Variants in SP3 observed in about 807,000 individuals in gnomAD.
SP3 encodes the protein transcription factor Sp3.
SP3 carries 10 observed loss-of-function variants against 70.3 expected under a neutral mutation model. That is an observed-to-expected ratio of 0.14 (90% CI 0.09 to 0.24). The LOEUF is 0.24. SP3 is among the 10% of genes least tolerant of loss of function. The pLI is 1.00. For synonymous variants in SP3, 402 were observed against 333.5 expected, an observed-to-expected ratio of 1.21 and a Z score of -2.24; for missense variants, 825 against 914.6, an observed-to-expected ratio of 0.90 and a Z score of 1.26.
intron 5 of SP3, chr2:173,914,658 AAGG>A (rs1689578905): frequency 6.6e-6 from 1 of 152,156 alleles, no homozygotes; most frequent in African/African-American, 2.4e-5. Context: ...AAGTAAAGAC[AAGG>A]AGGAGTCATG....
chr2:173,948,578 T>C (rs1486188386), intron 4 of SP3, among the ~76,000 whole-genome samples: 2 of 152,158 alleles, frequency 1.3e-5, no homozygotes, highest in African/African-American at 4.8e-5. Flanking sequence ...TTAAGCAATA[T>C]TGTAAAAAGT....
intron 1 of SP3, 128 bp from the exon 2 acceptor site, chr2:173,964,681 C>A (rs1691228674): frequency 1.2e-5 from 5 of 400,866 alleles, no homozygotes; most frequent in Non-Finnish European, 2.2e-5. Flanking sequence ...CCCCACCCGC[C>A]CCCCGGCGGC....
rs1689305476 is a variant in SP3, at chr2:173,905,983, A to G, written c.*3958T>C. On this transcript the variant is annotated 3_prime_UTR_variant, in exon 7 of 7. Coordinates refer to ENST00000310015, the MANE Select transcript of SP3 (RefSeq NM_003111.5). ...CCACTGCACTGTGTGACAGAGACAG[A>G]CCCTGTCAAATATAGGGAAAAAACA... Among the ~76,000 whole-genome samples the G allele has an allele frequency of 6.6e-6, 1 of 152,186 alleles. No individual in the cohort carries two copies.
rs183136873 is a variant in SP3, at chr2:173,933,740, C to T, written c.1640-14955G>A. The stretch of plus-strand genomic sequence containing the variant: ...TCAAACCGTTTTCAATAAATTCTAC[C>T]TTTATTTTCCTTTTGCTCTGATATA... On this transcript the variant is annotated intron_variant, in intron 4 of 6. Transcript: ENST00000310015. Among the ~76,000 whole-genome samples, 20 of 145,586 alleles carry T rather than the reference C, an allele frequency of 1.4e-4. No individual in the cohort carries two copies. In the East Asian group the frequency reaches 3.6e-3, roughly 26 times the overall value.
chr2:173,914,427 T>A (rs1212316187), intron 5 of SP3: 1 of 152,146 alleles, frequency 6.6e-6, no homozygotes, highest in Non-Finnish European at 1.5e-5. Context: ...AAAATGCATA[T>A]TTCCCCACAT....
rs112927478 is a variant in SP3, at chr2:173,950,336, C to G, written c.1639+4537G>C. ...CCCTGGTTTAAAAAAAAAAAAAGTACTTTCTCCTTTATTTTGGGAAATTGT... is the reference window on the plus strand; with the variant it reads ...CCCTGGTTTAAAAAAAAAAAAAGTAGTTTCTCCTTTATTTTGGGAAATTGT... On this transcript the variant is annotated intron_variant, in intron 4 of 6. Transcript: ENST00000310015. 1.9e-3 allele frequency among the ~76,000 whole-genome samples: 294 copies of G among 151,220 alleles called. 1 individual carries two copies. The highest frequency in any genetic ancestry group is 6.1e-3 in the African/African-American group (251 of 41,108).
rs757831284 is a variant in SP3 at position 173,955,280 on chromosome 2, T to A, written c.1232A>T (p.Gln411Leu). The change falls in exon 4 of 7, where the codon CAA becomes CTA. Residue 411 changes from glutamine to leucine, a missense_variant. Around this residue, in one of 4 missense-constraint regions of SP3, gnomAD observed 678 missense variants for 651.6 expected, o/e 1.04. Coordinates refer to ENST00000310015, the MANE Select transcript of SP3 (RefSeq NM_003111.5). The part of the protein sequence containing the change: ...QESQQPTSQA[Q>L]IVQGITPQTI... ...CTGTGGTGTAATACCTTGCACAATT[T>A]GGGCTTGACTGGTTGGCTGCTGAGA... The A allele has an allele frequency of 1.2e-6, 2 of 1,614,028 alleles. No homozygotes were observed. Among genetic ancestry groups the A allele is most frequent in the African/African-American group, 2.7e-5 (2 of 74,916 alleles).
At chr2:173,960,410 C>G (rs941424658) in intron 3 of SP3, among the ~76,000 whole-genome samples, 1 of 152,154 alleles carries the variant, frequency 6.6e-6, no homozygotes, top group African/African-American at 2.4e-5. Context: ...AGGTGTGAAG[C>G]TGAGGTGGAA....
intron 3 of SP3, among the ~76,000 whole-genome samples, chr2:173,958,756 C>T (rs1690971776): frequency 6.6e-6 from 1 of 151,314 alleles, no homozygotes; most frequent in South Asian, 2.1e-4. Context: ...GCCAAAACTA[C>T]ACTCGACAAT....
chr2:173,926,527 G>A (rs190504599), intron 4 of SP3, among the ~76,000 whole-genome samples: 2 of 152,166 alleles, frequency 1.3e-5, no homozygotes, highest in Non-Finnish European at 2.9e-5. Context: ...GGCTGGGCAC[G>A]GTGGCTCACG....
intron 4 of SP3, among the ~76,000 whole-genome samples, chr2:173,936,912 T>C (rs1690223757): frequency 6.6e-6 from 1 of 152,126 alleles, no homozygotes. Context: ...CCTGGAGCCT[T>C]TTTTGATTTT....
chr2:173,911,447 T>C (rs529108479), intron 6 of SP3, among the ~76,000 whole-genome samples: 1 of 152,224 alleles, frequency 6.6e-6, no homozygotes, highest in African/African-American at 2.4e-5. Context: ...CTTGTAACAT[T>C]AGTCCTGAGA....
intron 1 of SP3, 69 bp downstream of exon 1, chr2:173,965,095 CG>C: frequency 6.5e-7 from 1 of 1,541,168 alleles, no homozygotes; most frequent in African/African-American, 1.4e-5. Flanking sequence ...GCAGCGGCCC[CG>C]GGCTGGCTGT....
At chr2:173,924,935 T>C (rs1319970100) in intron 4 of SP3, among the ~76,000 whole-genome samples, 6 of 152,242 alleles carry the variant, frequency 3.9e-5, no homozygotes, top group African/African-American at 1.4e-4. Context: ...TCGCCCAGGC[T>C]GGAGTGCAGT....
Position 173,955,593 on chromosome 2 carries a change from C to T in SP3, c.919G>A (p.Asp307Asn). ...CGCTCACCAGTCCTTTCTGAATTGT[C>T]TGAACTATCCATAGCTTGTCCTGTG... ...INTGQAMDSS[D>N]NSERTGERVS... is the part of the protein sequence containing the mutation. Residue 307 changes from aspartate to asparagine, a missense_variant, in exon 4 of 7, where the codon GAC (aspartate) becomes AAC (asparagine). This residue lies in a region of SP3 where 678 missense variants were observed against 651.6 expected (regional missense o/e 1.04). Transcript: ENST00000310015. 6.2e-7 allele frequency: 1 copy of T among 1,614,070 alleles called. No homozygotes were observed. The highest frequency in any genetic ancestry group is 8.5e-7 in the Non-Finnish European group (1 of 1,180,034).
chr2:173,964,225 C>CGGCGCGGGCGGGGT (rs1691194152), intron 2 of SP3, 180 bp downstream of exon 2: 2 of 468,218 alleles, frequency 4.3e-6, no homozygotes. Flanking sequence ...CGAGGCGGGG[C>CGGCGCGGGCGGGGT]GGCGCGGGCG....
chr2:173,965,408 C>CTCATTCGCCGCCG (rs1188537268), upstream of SP3: 13 of 558,078 alleles, frequency 2.3e-5, 1 homozygote, highest in Non-Finnish European at 4.1e-5. Context: ...CTTCTTGGCT[C>CTCATTCGCCGCCG]TCATTCGCCG....
rs920080866 is a variant in SP3 at position 173,901,650 on chromosome 2, G to A, written c.*8291C>T. 4.7e-5 allele frequency among the ~76,000 whole-genome samples: 7 copies of A among 149,056 alleles called. No homozygotes were observed. The South Asian group carries it at 8.5e-4, about 18-fold the overall frequency. On this transcript the variant is annotated 3_prime_UTR_variant, in exon 7 of 7. Transcript: ENST00000310015. Reference sequence around the variant, plus strand: ...TGTGCAGTAGCCTATATCCCCAGCCGTTGGATAAAATGAACAGCAGGGAAA... The same window carrying A: ...TGTGCAGTAGCCTATATCCCCAGCCATTGGATAAAATGAACAGCAGGGAAA...
intron 2 of SP3, 182 bp from the exon 3 acceptor site, chr2:173,964,065 C>T (rs966644421): frequency 1.6e-4 from 58 of 365,714 alleles, no homozygotes; most frequent in Non-Finnish European, 2.6e-4. Context: ...CCACGCCTGG[C>T]GTCCCCCGCT....
Sources: allele counts gnomAD v4.1 joint callset (sites outside exome capture counted in the v4.1 genomes callset), GRCh38; gene constraint gnomAD v4.1.1; regional missense constraint gnomAD v4.1.1; transcripts MANE v1.5; gene names NCBI Gene and HGNC (gene_info 2026-07-23, HGNC 2026-07-21).